MAP2: variants seen among roughly 807,000 people sequenced by gnomAD.
MAP2 encodes microtubule-associated protein 2.
In MAP2, 14 loss-of-function variants were observed where a neutral mutation model predicts 137.6. The observed-to-expected ratio is 0.10, with a 90% CI of 0.07 to 0.16. The LOEUF (loss-of-function observed/expected upper bound fraction) is 0.16. Among genes scored for constraint, MAP2 ranks in the 10% least tolerant of loss-of-function variants. The pLI, the probability that MAP2 is intolerant of heterozygous loss-of-function variation, is 1.00. For missense variants in MAP2, 2,088 were observed against 2,191.5 expected, an observed-to-expected ratio of 0.95 and a Z score of 0.94; for synonymous variants, 786 against 782.3, an observed-to-expected ratio of 1.00 and a Z score of -0.08.
intron 3 of MAP2, among the ~76,000 whole-genome samples, chr2:209,600,201 C>A (rs1366889230): frequency 6.6e-6 from 1 of 152,126 alleles, no homozygotes; most frequent in Non-Finnish European, 1.5e-5. Flanking sequence ...AAAAAAAGCC[C>A]ACACACATCG....
At chr2:209,487,021 G>GT (rs905508053) in intron 1 of MAP2, among the ~76,000 whole-genome samples, 1 of 152,084 alleles carries the variant, frequency 6.6e-6, no homozygotes, top group Non-Finnish European at 1.5e-5. Context: ...AATTCTGACC[G>GT]TTTTTTGGTC....
rs191841140 is a variant in MAP2 at position 209,515,306 on chromosome 2, C to T, written c.-172+7665C>T. On this transcript the variant is annotated intron_variant, in intron 2 of 15. Transcript: ENST00000682079. ...AACTAGAGCAAGTGATCACTTAGTA[C>T]ATTACTTTTTGAATATTAATAAGTG... Among the ~76,000 whole-genome samples, 46 of 152,146 alleles carry T rather than the reference C, an allele frequency of 3.0e-4. No homozygotes were observed. In the East Asian group the frequency reaches 8.5e-3, roughly 28 times the overall value.
At chr2:209,634,990 A>T (rs2093429784) in intron 4 of MAP2, among the ~76,000 whole-genome samples, 1 of 152,146 alleles carries the variant, frequency 6.6e-6, no homozygotes, top group African/African-American at 2.4e-5. Context: ...GCTACTTGGG[A>T]GGCTGAGATG....
rs766080778 is a variant in MAP2 at position 209,653,345 on chromosome 2, G to A, written c.175G>A (p.Gly59Arg). Residue 59 changes from glycine (G) to arginine (R), a missense_variant, in exon 5 of 16, where the codon GGA becomes AGA. Gly to Arg is a moderately radical substitution (Grantham distance 125). Coordinates refer to ENST00000682079, the MANE Select transcript of MAP2 (RefSeq NM_001375505.1). ...CAGGGAGGATGAAGAGGGTGCCTTTGGAGAGCATGGGTCACAGGGCACCTA... is the reference window on the plus strand; with the variant it reads ...CAGGGAGGATGAAGAGGGTGCCTTTAGAGAGCATGGGTCACAGGGCACCTA... ...PYREDEEGAF[G>R]EHGSQGTYSN... 1.9e-6 allele frequency: 3 copies of A among 1,614,010 alleles called. No homozygotes were observed. Among genetic ancestry groups the A allele is most frequent in the Non-Finnish European group, 2.5e-6 (3 of 1,180,016 alleles).
chr2:209,474,238 G>C (rs1706577193), intron 1 of MAP2, among the ~76,000 whole-genome samples: 1 of 152,126 alleles, frequency 6.6e-6, no homozygotes, highest in Non-Finnish European at 1.5e-5. Context: ...CTTAACTTTG[G>C]TCTAAGTTTT....
intron 5 of MAP2, among the ~76,000 whole-genome samples, chr2:209,676,395 G>A (rs1399200870): frequency 1.3e-5 from 2 of 151,764 alleles, no homozygotes; most frequent in African/African-American, 4.8e-5. Context: ...GGAAGGTGGA[G>A]GATTGGAAGA....
chr2:209,437,408 TCTCATTCAA>T (rs1249551124), intron 1 of MAP2, among the ~76,000 whole-genome samples: 2 of 151,714 alleles, frequency 1.3e-5, no homozygotes, highest in African/African-American at 4.8e-5. Context: ...CATGAGGTTT[TCTCATTCAA>T]ACTGAAATCT....
chr2:209,484,243 T>C (rs1006693177), intron 1 of MAP2, among the ~76,000 whole-genome samples: 2 of 152,208 alleles, frequency 1.3e-5, no homozygotes, highest in Non-Finnish European at 2.9e-5. Context: ...ACAGACTGAC[T>C]TTTTACAGCA....
chr2:209,429,140 A>T (rs150099425), intron 1 of MAP2, among the ~76,000 whole-genome samples: 1,635 of 151,826 alleles, frequency 0.011, 14 homozygotes, highest in Non-Finnish European at 0.019. Flanking sequence ...TTTTTAGTAG[A>T]GACAGGGTTT....
At chr2:209,690,508 A>C in intron 7 of MAP2, 1 of 990,884 alleles carries the variant, frequency 1.0e-6, no homozygotes, top group Non-Finnish European at 1.3e-6. Flanking sequence ...TCATGAGGTC[A>C]TTCTAATGGA....
chr2:209,690,519 G>C lies in MAP2; in HGVS notation c.455-2106G>C, dbSNP rs962184404. The stretch of plus-strand genomic sequence containing the variant: ...GTCTTCATGAGGTCATTCTAATGGA[G>C]CTGAAAGTGTTCCTTTAGCAATATT... On this transcript the variant is annotated intron_variant, in intron 7 of 15. Transcript: ENST00000682079. 3.7e-6 allele frequency: 4 copies of C among 1,081,318 alleles called. No individual in the cohort carries two copies. The Admixed American group carries it at 1.1e-4, about 29-fold the overall frequency. The allele number at this position is 1,081,318 out of a possible 1,614,324, so 67.0% of individuals were successfully genotyped here.
At chr2:209,492,884 A>G (rs528508218) in intron 1 of MAP2, among the ~76,000 whole-genome samples, 178 of 152,332 alleles carry the variant, frequency 1.2e-3, no homozygotes, top group Middle Eastern at 3.4e-3. Context: ...TATAGATTCA[A>G]TGCTACTCTC....
At chr2:209,445,959 A>G (rs1326075903) in intron 1 of MAP2, among the ~76,000 whole-genome samples, 1 of 151,720 alleles carries the variant, frequency 6.6e-6, no homozygotes, top group Admixed American at 6.6e-5. Flanking sequence ...ATTATAGAAT[A>G]CCATAAAAAA....
chr2:209,628,354 G>C (rs2092630416), intron 4 of MAP2, among the ~76,000 whole-genome samples: 1 of 152,094 alleles, frequency 6.6e-6, no homozygotes, highest in South Asian at 2.1e-4. Context: ...TTACAGTGCA[G>C]TGGTTAGCAA....
At chr2:209,594,328 A>AG (rs2080641606) in intron 3 of MAP2, among the ~76,000 whole-genome samples, 1 of 152,066 alleles carries the variant, frequency 6.6e-6, no homozygotes, top group East Asian at 1.9e-4. Context: ...TTGAAGACGA[A>AG]GGCTTCAAGG....
intron 2 of MAP2, among the ~76,000 whole-genome samples, chr2:209,554,102 A>G (rs1487796253): frequency 6.6e-6 from 1 of 152,228 alleles, no homozygotes; most frequent in Non-Finnish European, 1.5e-5. Context: ...TGAAGGCATG[A>G]CAGAAATATA....
chr2:209,517,335 T>C (rs1053698698), intron 2 of MAP2, among the ~76,000 whole-genome samples: 2 of 152,158 alleles, frequency 1.3e-5, no homozygotes, highest in African/African-American at 2.4e-5. Flanking sequence ...TCTTCACTTT[T>C]ACATAAATAT....
intron 1 of MAP2, among the ~76,000 whole-genome samples, chr2:209,498,032 A>G (rs80307081): frequency 5.6e-4 from 86 of 152,314 alleles, no homozygotes; most frequent in Non-Finnish European, 9.9e-4. Context: ...AAAAGTACAA[A>G]GCCTCATTTG....
chr2:209,486,149 C>T (rs1468364739), intron 1 of MAP2, among the ~76,000 whole-genome samples: 2 of 152,204 alleles, frequency 1.3e-5, no homozygotes, highest in African/African-American at 4.8e-5. Flanking sequence ...AAAGTATCTG[C>T]CTTGCCCTGA....
Sources: allele counts gnomAD v4.1 joint callset (sites outside exome capture counted in the v4.1 genomes callset), GRCh38; gene constraint gnomAD v4.1.1; transcripts MANE v1.5; gene names NCBI Gene and HGNC (gene_info 2026-07-23, HGNC 2026-07-21).